The following SH2D4B variants were observed in gnomAD, a reference collection of about 807,000 sequenced individuals.
The protein encoded by SH2D4B is SH2 domain-containing protein 4B.
SH2D4B carries 45 observed loss-of-function variants against 61.5 expected under a neutral mutation model. That is an observed-to-expected ratio of 0.73 (90% CI 0.58 to 0.94). SH2D4B has a LOEUF of 0.94. SH2D4B is among the 40% of genes least tolerant of loss of function. The probability of loss-of-function intolerance (pLI) is 0.00; values close to 1 mark genes in which losing one functional copy is unlikely to be tolerated. For missense variants in SH2D4B, 572 were observed against 574.2 expected (o/e 1.00, Z 0.04); for synonymous variants, 224 against 220.4 (o/e 1.02, Z -0.14).
At chr10:80,583,959 G>A (rs1842214500) in intron 3 of SH2D4B, among the ~76,000 whole-genome samples, 1 of 152,264 alleles carries the variant, frequency 6.6e-6, no homozygotes, top group African/African-American at 2.4e-5. Flanking sequence ...AGACTTCAGG[G>A]GCTTCCAGAG....
At chr10:80,572,959 TATATATATATATATATATATA>T (rs1564771865) in intron 3 of SH2D4B, among the ~76,000 whole-genome samples, 3 of 7,694 alleles carry the variant, frequency 3.9e-4, no homozygotes, top group African/African-American at 6.1e-4. Flanking sequence ...TATATATATA[TATATATATATATATATATATA>T]TATATATTTT....
At chr10:80,625,301 G>T (rs1052979117) in intron 6 of SH2D4B, among the ~76,000 whole-genome samples, 1 of 152,044 alleles carries the variant, frequency 6.6e-6, no homozygotes, top group Non-Finnish European at 1.5e-5. Context: ...AAGTTAATGC[G>T]GCTGTCCCTT....
At chr10:80,638,985 G>A (rs1252254812) in intron 7 of SH2D4B, among the ~76,000 whole-genome samples, 3 of 152,164 alleles carry the variant, frequency 2.0e-5, no homozygotes, top group Admixed American at 6.5e-5. Flanking sequence ...GGTACGTTGT[G>A]TCTTTGTTCT....
intron 6 of SH2D4B, among the ~76,000 whole-genome samples, chr10:80,624,468 T>A (rs1210668248): frequency 6.6e-6 from 1 of 152,220 alleles, no homozygotes; most frequent in African/African-American, 2.4e-5. Flanking sequence ...TAAAACTCTA[T>A]GTTCAGATCT....
At chr10:80,613,422 C>T (rs1282228150) in intron 6 of SH2D4B, among the ~76,000 whole-genome samples, 4 of 152,244 alleles carry the variant, frequency 2.6e-5, no homozygotes, top group African/African-American at 9.6e-5. Context: ...TTTACTTCTA[C>T]AAAAACAGTC....
Position 80,629,539 on chromosome 10 carries a change from T to C in SH2D4B, c.989-4746T>C, listed in dbSNP as rs1307535153. Among the ~76,000 whole-genome samples, 5 of 152,180 alleles carry C rather than the reference T, an allele frequency of 3.3e-5. No homozygotes were observed. The East Asian group carries it at 9.6e-4, about 29-fold the overall frequency. Reference sequence around the variant, plus strand: ...GGTGCTGAAGTCACCTTCAGCAGCCTATGTTTGAGAGAATTGAGTGTGTGT... The same window carrying C: ...GGTGCTGAAGTCACCTTCAGCAGCCCATGTTTGAGAGAATTGAGTGTGTGT... On this transcript the variant is annotated intron_variant, in intron 6 of 7. Coordinates refer to ENST00000646907, the MANE Select transcript of SH2D4B (RefSeq NM_001388272.1).
At chr10:80,590,814 A>G (rs1050018291) in intron 4 of SH2D4B, among the ~76,000 whole-genome samples, 1 of 151,950 alleles carries the variant, frequency 6.6e-6, no homozygotes, top group Non-Finnish European at 1.5e-5. Context: ...ATCGCCACTA[A>G]TTCCAGAATA....
intron 6 of SH2D4B, among the ~76,000 whole-genome samples, chr10:80,634,043 A>T (rs190065653): frequency 6.6e-6 from 1 of 152,316 alleles, no homozygotes; most frequent in African/African-American, 2.4e-5. Flanking sequence ...TGCTCAACTC[A>T]CGTCCTAGTA....
At chr10:80,569,961 G>A (rs917123501) in intron 1 of SH2D4B, among the ~76,000 whole-genome samples, 193 bp from the exon 2 acceptor site, 4 of 152,236 alleles carry the variant, frequency 2.6e-5, no homozygotes, top group South Asian at 2.1e-4. Context: ...TGGCTGTTGC[G>A]TTTCTCCCTA....
intron 4 of SH2D4B, among the ~76,000 whole-genome samples, chr10:80,589,354 T>TA (rs545578396): frequency 7.9e-4 from 121 of 152,260 alleles, no homozygotes; most frequent in African/African-American, 2.8e-3. Context: ...GGCAATATAG[T>TA]GAGACCCTGT....
chr10:80,612,399 G>A (rs1416520803), intron 6 of SH2D4B, among the ~76,000 whole-genome samples: 2 of 152,024 alleles, frequency 1.3e-5, no homozygotes, highest in Non-Finnish European at 2.9e-5. Flanking sequence ...CCTGGGCTTG[G>A]TTGGGCGTCT....
rs1841538135 is a variant in SH2D4B at position 80,538,594 on chromosome 10, C to T, written c.184+79C>T. 24 of 1,219,720 alleles carry T rather than the reference C, an allele frequency of 2.0e-5. No individual in the cohort carries two copies. The highest frequency in any genetic ancestry group is 2.5e-5 in the Non-Finnish European group (24 of 944,428). 75.6% of individuals were successfully genotyped at this position (1,219,720 alleles called of 1,614,324 possible). A position where few individuals can be genotyped will look rare whatever the true frequency, so the allele number is the denominator to read the frequency against. On this transcript the variant is annotated intron_variant, in intron 1 of 7. Transcript: ENST00000646907. The surrounding 1 kb of genome is among the most constrained non-coding windows in gnomAD (Gnocchi z 4.8). Reference sequence around the variant, plus strand: ...AAAATTAGCAGGGCCAGGCTGTGCCCTTCTTCAAGATGGGCACTGGGGTGA... The same window carrying T: ...AAAATTAGCAGGGCCAGGCTGTGCCTTTCTTCAAGATGGGCACTGGGGTGA...
At chr10:80,572,337 G>A (rs1331548799) in intron 3 of SH2D4B, among the ~76,000 whole-genome samples, 3 of 152,048 alleles carry the variant, frequency 2.0e-5, no homozygotes, top group African/African-American at 7.2e-5. Flanking sequence ...AAGAGTTATT[G>A]GTCTATTGAC....
chr10:80,616,880 A>G (rs1004946261), intron 6 of SH2D4B, among the ~76,000 whole-genome samples: 2 of 152,252 alleles, frequency 1.3e-5, no homozygotes, highest in Non-Finnish European at 1.5e-5. Context: ...CATTACGTAC[A>G]TAGTGCTTAC....
intron 1 of SH2D4B, among the ~76,000 whole-genome samples, chr10:80,557,061 A>C (rs1233346832): frequency 6.6e-6 from 1 of 152,224 alleles, no homozygotes; most frequent in South Asian, 2.1e-4. Flanking sequence ...AGAGTGAGGA[A>C]CTACCCTCTA....
intron 6 of SH2D4B, among the ~76,000 whole-genome samples, chr10:80,630,215 A>C (rs376345558): frequency 3.3e-5 from 5 of 152,228 alleles, no homozygotes; most frequent in African/African-American, 1.2e-4. Context: ...CTGCTAGAGG[A>C]ATCTTGCTTT....
intron 1 of SH2D4B, among the ~76,000 whole-genome samples, chr10:80,553,482 G>A (rs964215884): frequency 1.3e-5 from 2 of 152,180 alleles, no homozygotes; most frequent in Non-Finnish European, 2.9e-5. Context: ...TTGCAGACAG[G>A]GAAGTAGGGG....
At chr10:80,594,647 AT>A (rs1185702763) in intron 4 of SH2D4B, among the ~76,000 whole-genome samples, 8 of 152,180 alleles carry the variant, frequency 5.3e-5, no homozygotes, top group Non-Finnish European at 8.8e-5. Flanking sequence ...TTGATTACGA[AT>A]TTAGTCTCTT....
chr10:80,586,636 C>T (rs754982213), intron 3 of SH2D4B, among the ~76,000 whole-genome samples: 1 of 152,132 alleles, frequency 6.6e-6, no homozygotes. Flanking sequence ...CCACTGGGCT[C>T]TCTGTAAAAT....
Sources: gnomAD v4.1 joint callset for allele counts (sites outside exome capture counted in the v4.1 genomes callset) on GRCh38, gnomAD v4.1.1 for gene constraint, Gnocchi (gnomAD v3.1) non-coding constraint, MANE v1.5 for transcripts, NCBI Gene and HGNC (gene_info 2026-07-23, HGNC 2026-07-21) for gene names.